Variants in DDHD2 observed in about 807,000 individuals in gnomAD.
DDHD2 encodes the protein DDHD domain containing 2.
A neutral mutation model predicts 91.2 loss-of-function variants in DDHD2; 62 were observed. That is an observed-to-expected ratio of 0.68 (90% confidence interval 0.55 to 0.84). DDHD2 has a LOEUF of 0.84. Among genes scored for constraint, DDHD2 ranks in the 40% least tolerant of loss-of-function variants. DDHD2 has a pLI of 0.00. For missense variants in DDHD2, 740 were observed against 846.9 expected (o/e 0.87, Z 1.57); for synonymous variants, 271 against 293.9 (o/e 0.92, Z 0.80).
At chr8:38,271,485 A>G (rs1247327117), downstream of DDHD2, 4 of 152,006 alleles carry the variant, frequency 2.6e-5, no homozygotes. Context: ...ATTTCAGTAT[A>G]TACACATTTC....
rs1337796471 is a variant in DDHD2, at chr8:38,261,448, T to G, written c.*875T>G. On this transcript the variant is annotated 3_prime_UTR_variant, in exon 18 of 18. Coordinates refer to ENST00000397166, the MANE Select transcript of DDHD2 (RefSeq NM_015214.3). Reference sequence around the variant, plus strand: ...GCTGCTGAGGTTCTAAATAAAACCTTTTAGTGGTGCCTTTATGGTGAAACA... The same window carrying G: ...GCTGCTGAGGTTCTAAATAAAACCTGTTAGTGGTGCCTTTATGGTGAAACA... 5.3e-5 allele frequency: 8 copies of G among 152,204 alleles called. No homozygotes were observed. Among genetic ancestry groups the G allele is most frequent in the Admixed American group, 4.6e-4 (7 of 15,282 alleles). The allele number at this position is 152,204 out of a possible 1,614,324, so 9.4% of individuals were successfully genotyped here.
chr8:38,249,612 A>G, intron 10 of DDHD2, 96 bp from the exon 11 acceptor site: 2 of 638,512 alleles, frequency 3.1e-6, no homozygotes, highest in South Asian at 2.6e-5. Context: ...CTAGAGAGAC[A>G]GGCAGCAACA....
intron 2 of DDHD2, among the ~76,000 whole-genome samples, chr8:38,233,747 G>GT (rs1804476092): frequency 6.6e-6 from 1 of 151,978 alleles, no homozygotes; most frequent in African/African-American, 2.4e-5. Context: ...GGCCAGCAAT[G>GT]GTGAAACCCC....
At chr8:38,267,889 T>C (rs768682133) in intron 1 of DDHD2, 1 of 1,613,938 alleles carries the variant, frequency 6.2e-7, no homozygotes, top group East Asian at 2.2e-5. Context: ...TTAGCTGTTG[T>C]CACTTACCTC....
intron 16 of DDHD2, among the ~76,000 whole-genome samples, chr8:38,258,295 A>C (rs1053958537): frequency 2.0e-5 from 3 of 150,250 alleles, no homozygotes; most frequent in African/African-American, 7.4e-5. Context: ...TGTGTTGCCC[A>C]GGCTGAAGTG....
intron 3 of DDHD2, among the ~76,000 whole-genome samples, chr8:38,237,080 A>C (rs1333277650): frequency 6.6e-6 from 1 of 152,152 alleles, no homozygotes; most frequent in African/African-American, 2.4e-5. Flanking sequence ...TAATTTCAAA[A>C]TAATTTAAAA....
downstream of DDHD2, chr8:38,263,823 C>G (rs1807221897): frequency 1.0e-6 from 1 of 984,954 alleles, no homozygotes; most frequent in Non-Finnish European, 1.2e-6. Context: ...TTCTTTGTGA[C>G]AAGATCCTTC....
In DDHD2 at chr8:38,232,973, T is replaced by C. The variant is rs958932942; in HGVS notation, c.-8-14T>C. 1 of 1,605,194 alleles carries C rather than the reference T, an allele frequency of 6.2e-7. No homozygotes were observed. Among genetic ancestry groups the C allele is most frequent in the African/African-American group, 1.3e-5 (1 of 74,520 alleles). On this transcript the variant is annotated splice_polypyrimidine_tract_variant and intron_variant, in intron 1 of 17. Coordinates refer to ENST00000397166, the MANE Select transcript of DDHD2 (RefSeq NM_015214.3). ...GTTAAGTTCGTTTTCCTGATAGTTT[T>C]CTTTTGTCTTTAGAGAGCGAAATGT... is the stretch of plus-strand genomic sequence containing the variant.
At chr8:38,257,541 G>A (rs1046888092) in intron 16 of DDHD2, among the ~76,000 whole-genome samples, 2 of 149,432 alleles carry the variant, frequency 1.3e-5, no homozygotes, top group South Asian at 2.1e-4. Flanking sequence ...GAGCCACTGC[G>A]CCTGCTCAAA....
downstream of DDHD2, chr8:38,264,774 A>G (rs1389975041): frequency 2.0e-6 from 3 of 1,472,292 alleles, no homozygotes; most frequent in African/African-American, 4.3e-5. Flanking sequence ...CAATTTTATC[A>G]TAGTTACAGT....
intron 3 of DDHD2, among the ~76,000 whole-genome samples, chr8:38,237,211 A>G (rs1804854242): frequency 6.6e-6 from 1 of 151,996 alleles, no homozygotes; most frequent in Admixed American, 6.6e-5. Flanking sequence ...CCCCGTATCT[A>G]CTAAAACTAC....
chr8:38,238,457 G>A, intron 5 of DDHD2: 1 of 1,209,528 alleles, frequency 8.3e-7, no homozygotes, highest in Non-Finnish European at 1.0e-6. Flanking sequence ...ACTAAGTACA[G>A]ATGAACTGAT....
Position 38,268,680 on chromosome 8 carries a change from T to C in DDHD2, n.88-2442T>C, listed in dbSNP as rs981721678. ...GAGGCACAGAGCGCCCGGGAAAACGTTGTCTCAGCCCAAAGAGGCTCGGAC... is the reference window on the plus strand; with the variant it reads ...GAGGCACAGAGCGCCCGGGAAAACGCTGTCTCAGCCCAAAGAGGCTCGGAC... On this transcript the variant is annotated intron_variant and non_coding_transcript_variant, in intron 1 of 1. Transcript: ENST00000526071. The C allele has an allele frequency of 9.1e-6, 13 of 1,431,854 alleles. No homozygotes were observed. In the African/African-American group the frequency reaches 1.9e-4, roughly 21 times the overall value. 88.7% of individuals were successfully genotyped at this position (1,431,854 alleles called of 1,614,324 possible).
At chr8:38,253,278 A>G (rs1163449480) in intron 15 of DDHD2, 151 bp downstream of exon 15, 4 of 891,420 alleles carry the variant, frequency 4.5e-6, no homozygotes, top group Non-Finnish European at 3.3e-6. Flanking sequence ...AAAGAGCTCT[A>G]TTCCTGCTTG....
chr8:38,242,438 C>G, intron 7 of DDHD2, 53 bp downstream of exon 7: 2 of 1,567,372 alleles, frequency 1.3e-6, no homozygotes, highest in South Asian at 2.4e-5. Context: ...ATTTTCTGAT[C>G]ATTGCTATGC....
rs548193293 is a variant in DDHD2 at position 38,251,814 on chromosome 8, TCCTA to T, written c.1345-82_1345-79del. 453 of 793,006 alleles carry T rather than the reference TCCTA, an allele frequency of 5.7e-4. 5 individuals are homozygous for T. In the South Asian group the frequency reaches 5.8e-3, roughly 10 times the overall value. The allele number at this position is 793,006 out of a possible 1,614,324, so 49.1% of individuals were successfully genotyped here. The stretch of plus-strand genomic sequence containing the variant: ...GACTTGAACTCTTGGGCTTAAACAA[TCCTA>T]CCTACCTACCTACCTCAGGGTCCTG... On this transcript the variant is annotated intron_variant, in intron 11 of 17. Coordinates refer to ENST00000397166, the MANE Select transcript of DDHD2 (RefSeq NM_015214.3).
At chr8:38,268,783 G>C in intron 1 of DDHD2, 1 of 1,442,898 alleles carries the variant, frequency 6.9e-7, no homozygotes, top group South Asian at 1.5e-5. Context: ...GGAGTGGGCA[G>C]TGGGTCCCTA....
intron 16 of DDHD2, among the ~76,000 whole-genome samples, chr8:38,255,958 AGT>A (rs1273836851): frequency 2.0e-5 from 3 of 152,230 alleles, no homozygotes; most frequent in Non-Finnish European, 4.4e-5. Context: ...AATGTACGAA[AGT>A]GTGTGTTTCT....
downstream of DDHD2, chr8:38,263,801 C>T: frequency 1.0e-6 from 1 of 985,174 alleles, no homozygotes; most frequent in Non-Finnish European, 1.2e-6. Flanking sequence ...CAAGGTGGGG[C>T]TATGTAAAGG....
Sources: gnomAD v4.1 joint callset for allele counts (sites outside exome capture counted in the v4.1 genomes callset) on GRCh38, gnomAD v4.1.1 for gene constraint, MANE v1.5 for transcripts, NCBI Gene and HGNC (gene_info 2026-07-23, HGNC 2026-07-21) for gene names.